ZNF324B: variants seen among roughly 807,000 people sequenced by gnomAD.
The protein encoded by ZNF324B is zinc finger protein 324B.
In ZNF324B, 7 loss-of-function variants were observed where a neutral mutation model predicts 10.6. The observed-to-expected ratio is 0.66, with a 90% CI of 0.38 to 1.24. The LOEUF is 1.24. ZNF324B is among the 50% of genes most tolerant of loss of function. The pLI, the probability that ZNF324B is intolerant of heterozygous loss-of-function variation, is 0.02. For missense variants in ZNF324B, 640 were observed against 764.7 expected, an observed-to-expected ratio of 0.84 and a Z score of 1.92; for synonymous variants, 316 against 321.0, an observed-to-expected ratio of 0.98 and a Z score of 0.17.
At chr19:58,437,796 G>C in the ZNF324B span, 2 of 985,416 alleles carry the variant, frequency 2.0e-6, no homozygotes, top group Non-Finnish European at 2.4e-6. Context: ...CACTGCAAGA[G>C]GCAGTCATAG....
At chr19:58,423,182 C>CG in the ZNF324B span, among the ~76,000 whole-genome samples, 1 of 150,438 alleles carries the variant, frequency 6.6e-6, no homozygotes, top group Non-Finnish European at 1.5e-5. Flanking sequence ...TTTTTTGAGA[C>CG]GGAGTCTTGC....
At chr19:58,434,205 G>A in the ZNF324B span, 9 of 1,613,980 alleles carry the variant, frequency 5.6e-6, no homozygotes, top group Admixed American at 1.0e-4. Flanking sequence ...CAGAGCTTCG[G>A]CTGAAGGATT....
the ZNF324B span, among the ~76,000 whole-genome samples, chr19:58,427,504 T>TCCTTCCTTCCTTCCTTCCTTCCTTCC: frequency 9.6e-6 from 1 of 104,464 alleles, no homozygotes; most frequent in African/African-American, 5.1e-5. Context: ...CTTTCTTTCT[T>TCCTTCCTTCCTTCCTTCCTTCCTTCC]TTTCTTTCTT....
chr19:58,422,009 C>T, the ZNF324B span, among the ~76,000 whole-genome samples: 4 of 152,126 alleles, frequency 2.6e-5, no homozygotes, highest in African/African-American at 4.8e-5. Context: ...CCTCCGCGTC[C>T]CGGGTTCAAG....
the ZNF324B span, among the ~76,000 whole-genome samples, chr19:58,423,071 G>A: frequency 3.9e-5 from 6 of 151,984 alleles, no homozygotes; most frequent in Admixed American, 2.0e-4. Context: ...GGGTTTCACC[G>A]TGTTAGCCAG....
the ZNF324B span, chr19:58,440,836 G>A: frequency 6.6e-6 from 1 of 152,266 alleles, no homozygotes; most frequent in Non-Finnish European, 1.5e-5. Flanking sequence ...GCTACGCATT[G>A]GGAGGTCTTG....
chr19:58,440,453 T>G, the ZNF324B span: 74 of 153,120 alleles, frequency 4.8e-4, no homozygotes, highest in South Asian at 1.0e-2. Flanking sequence ...GCAGCGGGAC[T>G]TCCGTCGTCG....
chr19:58,433,747 G>A, the ZNF324B span: 13 of 1,614,052 alleles, frequency 8.1e-6, no homozygotes, highest in Admixed American at 1.7e-5. Flanking sequence ...CCTTTCTTTT[G>A]TGTGAACTCT....
At chr19:58,433,161 G>A in the ZNF324B span, 3 of 717,270 alleles carry the variant, frequency 4.2e-6, no homozygotes, top group Non-Finnish European at 6.8e-6. Context: ...GGGTGAGATG[G>A]CCCTGCAAAG....
chr19:58,425,031 G>T, the ZNF324B span, among the ~76,000 whole-genome samples: 6 of 152,104 alleles, frequency 3.9e-5, no homozygotes, highest in African/African-American at 1.4e-4. Context: ...CGAGGCGGGT[G>T]GATCATGAGG....
chr19:58,439,802 T>C, the ZNF324B span: 1 of 1,546,310 alleles, frequency 6.5e-7, no homozygotes. Flanking sequence ...CATTAGAACC[T>C]GTGGGCTGGG....
chr19:58,446,564 T>A, the ZNF324B span, among the ~76,000 whole-genome samples: 1 of 95,100 alleles, frequency 1.1e-5, no homozygotes, highest in Non-Finnish European at 2.0e-5. Flanking sequence ...GATTGGATAA[T>A]TTCTTTCTCT....
At chr19:58,435,295 A>G in the ZNF324B span, 2 of 1,481,704 alleles carry the variant, frequency 1.3e-6, no homozygotes, top group Non-Finnish European at 1.8e-6. Flanking sequence ...CCAGGAATTC[A>G]CACCCAAGAA....
At chr19:58,439,779 A>G in the ZNF324B span, 4 of 1,545,850 alleles carry the variant, frequency 2.6e-6, no homozygotes, top group South Asian at 1.2e-5. Context: ...CCCATCAGCA[A>G]CGCTGGCAAC....
the ZNF324B span, among the ~76,000 whole-genome samples, chr19:58,436,667 CA>C: frequency 0.026 from 1,720 of 65,424 alleles, 9 homozygotes; most frequent in African/African-American, 0.11. Flanking sequence ...GACTCCATCT[CA>C]AAAAAAAAAA....
the ZNF324B span, among the ~76,000 whole-genome samples, chr19:58,427,354 C>CTCT: frequency 5.9e-5 from 3 of 51,270 alleles, no homozygotes; most frequent in Middle Eastern, 0.013. Context: ...TCTTTCCTTT[C>CTCT]TTTCTTTCTT....
chr19:58,445,416 C>G, the ZNF324B span: 1 of 518,756 alleles, frequency 1.9e-6, no homozygotes, highest in East Asian at 5.4e-5. Context: ...GGGAGAGCAT[C>G]GGCCACAGCT....
In ZNF324B at chr19:58,453,720, G is replaced by T. The variant is rs1299518957; in HGVS notation, c.19G>T (p.Ala7Ser). The change falls in exon 2 of 4, where the codon GCC becomes TCC. Residue 7 changes from alanine (A) to serine (S), a missense_variant. By Grantham distance (99) the Ala-to-Ser change is moderately conservative (BLOSUM62 1). Coordinates refer to ENST00000336614, the MANE Select transcript of ZNF324B (RefSeq NM_207395.3). The stretch of plus-strand genomic sequence containing the variant: ...GGACCTGATGACCTTCGAGGATGTG[G>T]CCGTGTACTTCTCCCAGGAGGAGTG... MTFEDV[A>S]VYFSQEEWGL... The T allele has an allele frequency of 2.5e-6, 4 of 1,614,224 alleles. No homozygotes were observed. Among genetic ancestry groups the T allele is most frequent in the Non-Finnish European group, 2.5e-6 (3 of 1,180,034 alleles).
the ZNF324B span, among the ~76,000 whole-genome samples, chr19:58,420,273 G>T: frequency 6.6e-6 from 1 of 152,060 alleles, no homozygotes; most frequent in Non-Finnish European, 1.5e-5. Flanking sequence ...AAAAAAATTA[G>T]CCCGGCATGG....
Sources: gnomAD v4.1 joint callset for allele counts (sites outside exome capture counted in the v4.1 genomes callset) on GRCh38, gnomAD v4.1.1 for gene constraint, MANE v1.5 for transcripts, NCBI Gene and HGNC (gene_info 2026-07-23, HGNC 2026-07-21) for gene names.